PPARGC1A: variants seen among roughly 807,000 people sequenced by gnomAD.
The protein encoded by PPARGC1A is peroxisome proliferator-activated receptor gamma coactivator 1-alpha.
A neutral mutation model predicts 88.7 loss-of-function variants in PPARGC1A; 25 were observed. The ratio of observed to expected loss-of-function variants is 0.28; its 90% confidence interval spans 0.21 to 0.39. The LOEUF (loss-of-function observed/expected upper bound fraction) is 0.39, where lower values mean the gene tolerates loss of function less well. Among genes scored for constraint, PPARGC1A ranks in the 10% least tolerant of loss-of-function variants. The pLI is 1.00. For synonymous variants in PPARGC1A, 363 were observed against 355.6 expected (o/e 1.02, Z -0.24); for missense variants, 880 against 968.7 (o/e 0.91, Z 1.22).
At chr4:23,862,758 C>T (rs1278726437) in intron 2 of PPARGC1A, among the ~76,000 whole-genome samples, 1 of 152,186 alleles carries the variant, frequency 6.6e-6, no homozygotes, top group Non-Finnish European at 1.5e-5. Flanking sequence ...GGCGAATTAT[C>T]AAACTCAAAG....
the PPARGC1A span, among the ~76,000 whole-genome samples, chr4:24,329,235 A>C: frequency 1.2e-4 from 18 of 151,368 alleles, no homozygotes; most frequent in African/African-American, 4.4e-4. Context: ...TCATCCCTCA[A>C]CACCATCTCC....
At chr4:24,201,164 C>T in the PPARGC1A span, among the ~76,000 whole-genome samples, 1 of 152,140 alleles carries the variant, frequency 6.6e-6, no homozygotes, top group South Asian at 2.1e-4. Flanking sequence ...CCATAATGCA[C>T]CTATTTTTAT....
the PPARGC1A span, among the ~76,000 whole-genome samples, chr4:24,190,676 AC>A: frequency 1.3e-5 from 2 of 152,174 alleles, no homozygotes; most frequent in Non-Finnish European, 2.9e-5. Flanking sequence ...AGATGAAGTG[AC>A]TTCCTCCATG....
At chr4:24,229,951 T>C in the PPARGC1A span, among the ~76,000 whole-genome samples, 2 of 152,112 alleles carry the variant, frequency 1.3e-5, no homozygotes, top group Admixed American at 1.3e-4. Context: ...ACATGGTCGC[T>C]GAAGGCATTT....
At chr4:24,212,966 G>T in the PPARGC1A span, among the ~76,000 whole-genome samples, 1 of 152,156 alleles carries the variant, frequency 6.6e-6, no homozygotes, top group African/African-American at 2.4e-5. Flanking sequence ...GATTAGAGAC[G>T]ACAGCACCTG....
At chr4:24,184,359 T>C in the PPARGC1A span, among the ~76,000 whole-genome samples, 1 of 152,218 alleles carries the variant, frequency 6.6e-6, no homozygotes, top group African/African-American at 2.4e-5. Context: ...ACTAATTTTC[T>C]TTCCCGCCTC....
chr4:24,077,639 G>T, the PPARGC1A span, among the ~76,000 whole-genome samples: 1 of 136,570 alleles, frequency 7.3e-6, no homozygotes, highest in Non-Finnish European at 1.6e-5. Flanking sequence ...GTGTGTGTGT[G>T]TGTGTGTGTG....
At chr4:24,088,062 T>G in the PPARGC1A span, among the ~76,000 whole-genome samples, 1 of 152,138 alleles carries the variant, frequency 6.6e-6, no homozygotes, top group Non-Finnish European at 1.5e-5. Context: ...GAAAATATAC[T>G]CTGAGGCCAG....
chr4:23,930,253 C>T, the PPARGC1A span, among the ~76,000 whole-genome samples: 1 of 152,156 alleles, frequency 6.6e-6, no homozygotes, highest in African/African-American at 2.4e-5. Flanking sequence ...TGACTCTGAA[C>T]TTGATTTTTG....
the PPARGC1A span, among the ~76,000 whole-genome samples, chr4:24,470,943 C>T: frequency 6.6e-6 from 1 of 151,704 alleles, no homozygotes; most frequent in Non-Finnish European, 1.5e-5. The surrounding 1 kb of genome is among the most constrained non-coding windows in gnomAD (Gnocchi z 5.8). Flanking sequence ...GCGGCGGCGG[C>T]GAACATTTTT....
chr4:23,955,370 A>G, the PPARGC1A span, among the ~76,000 whole-genome samples: 1 of 152,110 alleles, frequency 6.6e-6, no homozygotes, highest in Non-Finnish European at 1.5e-5. Context: ...TGAATAACAA[A>G]TTCATTATGA....
the PPARGC1A span, among the ~76,000 whole-genome samples, chr4:24,033,657 GT>G: frequency 5.7e-5 from 8 of 139,754 alleles, no homozygotes; most frequent in African/African-American, 2.3e-4. Flanking sequence ...TTTATATGCT[GT>G]TAAAAAAGAA....
At chr4:24,167,199 C>T in the PPARGC1A span, among the ~76,000 whole-genome samples, 30 of 152,212 alleles carry the variant, frequency 2.0e-4, no homozygotes, top group Admixed American at 1.2e-3. Context: ...CCAAGACTTC[C>T]GTGGAGGAAG....
chr4:24,351,818 T>C, the PPARGC1A span, among the ~76,000 whole-genome samples: 6 of 152,046 alleles, frequency 3.9e-5, no homozygotes, highest in Non-Finnish European at 7.4e-5. Flanking sequence ...ACAGGGTTTG[T>C]TTTTTTGTTT....
At chr4:24,273,771 C>A in the PPARGC1A span, among the ~76,000 whole-genome samples, 31 of 147,124 alleles carry the variant, frequency 2.1e-4, no homozygotes, top group Non-Finnish European at 3.9e-4. Flanking sequence ...ACTCTTGTTG[C>A]CCAGGCTGGA....
At chr4:24,398,958 A>C in the PPARGC1A span, among the ~76,000 whole-genome samples, 32 of 152,182 alleles carry the variant, frequency 2.1e-4, no homozygotes, top group African/African-American at 7.7e-4. Context: ...AGCTAAAATA[A>C]CTCTCTTGGC....
At chr4:24,331,560 C>G in the PPARGC1A span, among the ~76,000 whole-genome samples, 1 of 152,162 alleles carries the variant, frequency 6.6e-6, no homozygotes. Context: ...CCTATAGTAA[C>G]ATCTCAAAAA....
the PPARGC1A span, among the ~76,000 whole-genome samples, chr4:24,188,400 C>A: frequency 2.0e-5 from 3 of 152,126 alleles, no homozygotes; most frequent in Non-Finnish European, 2.9e-5. Context: ...CAGGCAAAGG[C>A]ACTAACTCTT....
At chr4:24,452,137 T>C in the PPARGC1A span, among the ~76,000 whole-genome samples, 1 of 151,388 alleles carries the variant, frequency 6.6e-6, no homozygotes, top group Non-Finnish European at 1.5e-5. Context: ...AAACTGAAAC[T>C]CTCCCCTGGA....
Sources: allele counts gnomAD v4.1 joint callset (sites outside exome capture counted in the v4.1 genomes callset), GRCh38; gene constraint gnomAD v4.1.1; non-coding constraint Gnocchi (gnomAD v3.1); transcripts MANE v1.5; gene names NCBI Gene and HGNC (gene_info 2026-07-23, HGNC 2026-07-21).